MACF1: variants seen among roughly 807,000 people sequenced by gnomAD.
The protein encoded by MACF1 is microtubule-actin cross-linking factor 1.
In MACF1, 193 loss-of-function variants were observed where a neutral mutation model predicts 854.8. The observed-to-expected ratio is 0.23, with a 90% confidence interval of 0.20 to 0.25. The LOEUF is 0.25. Among genes scored for constraint, MACF1 ranks in the 10% least tolerant of loss-of-function variants. The pLI is 1.00. For missense variants in MACF1, 7,722 were observed against 8,929.1 expected, an observed-to-expected ratio of 0.86 and a Z score of 5.45; for synonymous variants, 3,185 against 3,226.7, an observed-to-expected ratio of 0.99 and a Z score of 0.44.
At chr1:39,433,282 C>T (rs932189914) in intron 68 of MACF1, 127 bp downstream of exon 68, 1 of 563,044 alleles carries the variant, frequency 1.8e-6, no homozygotes, top group Non-Finnish European at 3.2e-6. Flanking sequence ...TTATTAAAGT[C>T]CAGCTTGATG....
At chr1:39,359,982 G>A (rs1311139581) in intron 47 of MACF1, among the ~76,000 whole-genome samples, 3 of 38,798 alleles carry the variant, frequency 7.7e-5, no homozygotes, top group African/African-American at 1.2e-4. Context: ...GCAAGACTCC[G>A]TCTCAAAAAA....
Position 39,281,295 on chromosome 1 carries a change from C to T in MACF1, c.529-913C>T, listed in dbSNP as rs554163662. ...ATTAGTTTGCTGTATTTCTCACATACGTACAGTATTTGCACCTGTATTGCA... is the reference window on the plus strand; with the variant it reads ...ATTAGTTTGCTGTATTTCTCACATATGTACAGTATTTGCACCTGTATTGCA... On this transcript the variant is annotated intron_variant, in intron 6 of 100. Coordinates refer to ENST00000564288, the MANE Select transcript of MACF1 (RefSeq NM_001394062.1). 2.6e-5 allele frequency among the ~76,000 whole-genome samples: 4 copies of T among 152,222 alleles called. No homozygotes were observed. In the South Asian group the frequency reaches 6.2e-4, roughly 24 times the overall value.
At chr1:39,476,701 T>C (rs1437198124) in intron 97 of MACF1, among the ~76,000 whole-genome samples, 1 of 152,168 alleles carries the variant, frequency 6.6e-6, no homozygotes, top group East Asian at 1.9e-4. Context: ...ATTGGACTGG[T>C]TAAATAAATT....
At position 39,453,712 on chromosome 1, in the gene MACF1, C is replaced by A. The variant is rs1442660015; in HGVS notation, c.20748C>A (p.Phe6916Leu). 1.9e-6 allele frequency: 3 copies of A among 1,613,898 alleles called. No homozygotes were observed. The highest frequency in any genetic ancestry group is 1.7e-6 in the Non-Finnish European group (2 of 1,179,858). ...LQSLIDTHKE[F>L]MKKVEEKRVD... The stretch of plus-strand genomic sequence containing the variant: ...TTCAAATCTTTTTTGTTTAGGAATT[C>A]ATGAAGAAAGTAGAAGAAAAGCGAG... Residue 6916 changes from phenylalanine to leucine, a missense_variant, in exon 88 of 101, where the codon TTC (phenylalanine) becomes TTA (leucine). By Grantham distance (22) the Phe-to-Leu change is conservative (BLOSUM62 0). Around this residue, in one of 15 missense-constraint regions of MACF1, gnomAD observed 729 missense variants for 900.5 expected, o/e 0.81. Coordinates refer to ENST00000564288, the MANE Select transcript of MACF1 (RefSeq NM_001394062.1).
At chr1:39,412,074 G>A in intron 58 of MACF1, 1 of 1,613,996 alleles carries the variant, frequency 6.2e-7, no homozygotes, top group Admixed American at 1.7e-5. Flanking sequence ...CAGGAGGACT[G>A]CTGAACTCTG....
At chr1:39,309,512 CT>C in intron 23 of MACF1, 57 bp from the exon 24 acceptor site, 1 of 1,600,914 alleles carries the variant, frequency 6.2e-7, no homozygotes, top group African/African-American at 1.3e-5. Context: ...CTTAGAAGGT[CT>C]CTAATGTGGA....
intron 95 of MACF1, among the ~76,000 whole-genome samples, chr1:39,467,367 AAAAAAG>A (rs1001673684): frequency 8.5e-5 from 13 of 152,308 alleles, no homozygotes; most frequent in South Asian, 2.1e-4. Context: ...TCCATCTCAA[AAAAAAG>A]AAAAAGAAAA....
intron 84 of MACF1, among the ~76,000 whole-genome samples, chr1:39,450,610 CTTTT>C (rs11398407): frequency 8.7e-6 from 1 of 115,252 alleles, no homozygotes; most frequent in Non-Finnish European, 1.7e-5. Context: ...TACTCTATTT[CTTTT>C]TTTTTTTTTT....
intron 49 of MACF1, among the ~76,000 whole-genome samples, chr1:39,367,485 CA>C (rs1200856185): frequency 6.6e-6 from 1 of 152,092 alleles, no homozygotes; most frequent in Non-Finnish European, 1.5e-5. Flanking sequence ...AGGCGTGAGC[CA>C]CTGGGCCTGG....
intron 38 of MACF1, among the ~76,000 whole-genome samples, chr1:39,337,951 A>G (rs1306030074): frequency 3.3e-5 from 5 of 152,054 alleles, no homozygotes; most frequent in African/African-American, 7.2e-5. Flanking sequence ...TTGTATATTT[A>G]GTAGAGACGG....
chr1:39,366,389 A>G (rs1024379930), intron 49 of MACF1, among the ~76,000 whole-genome samples: 2 of 149,202 alleles, frequency 1.3e-5, no homozygotes, highest in Non-Finnish European at 3.0e-5. Flanking sequence ...GCTGGAGTGC[A>G]GTGGCATGAT....
chr1:39,366,913 G>A (rs557940504), intron 49 of MACF1, among the ~76,000 whole-genome samples: 2 of 146,026 alleles, frequency 1.4e-5, no homozygotes, highest in Middle Eastern at 3.7e-3. Flanking sequence ...CAAAGTGCTA[G>A]GATTACAGGA....
At chr1:39,382,195 G>A (rs1332012706) in intron 56 of MACF1, 43 bp downstream of exon 56, 1 of 1,559,308 alleles carries the variant, frequency 6.4e-7, no homozygotes, top group Non-Finnish European at 8.8e-7. Context: ...ACATGAAACT[G>A]GGTTTGAATG....
upstream of MACF1, among the ~76,000 whole-genome samples, chr1:39,201,325 CT>C (rs1644387633): frequency 6.6e-6 from 1 of 152,096 alleles, no homozygotes; most frequent in Non-Finnish European, 1.5e-5. Flanking sequence ...CCACTCTTAT[CT>C]CTCAGTAGTA....
intron 38 of MACF1, among the ~76,000 whole-genome samples, chr1:39,340,091 G>A (rs1217769765): frequency 3.3e-5 from 5 of 152,236 alleles, no homozygotes; most frequent in East Asian, 3.9e-4. Flanking sequence ...TCATCCGTTC[G>A]GTTTATTTTG....
intron 97 of MACF1, among the ~76,000 whole-genome samples, chr1:39,470,570 C>G (rs1029864733): frequency 5.9e-5 from 9 of 152,172 alleles, no homozygotes; most frequent in African/African-American, 2.2e-4. Context: ...TGCTTGAGCC[C>G]AGGAGTTCAA....
At chr1:39,429,626 A>G (rs983123613) in intron 64 of MACF1, among the ~76,000 whole-genome samples, 16 of 152,304 alleles carry the variant, frequency 1.1e-4, no homozygotes, top group African/African-American at 3.9e-4. Flanking sequence ...TCAGATTTTA[A>G]TAATTCAGAA....
At chr1:39,358,090 G>A (rs1647747236) in intron 45 of MACF1, among the ~76,000 whole-genome samples, 197 bp downstream of exon 45, 1 of 152,206 alleles carries the variant, frequency 6.6e-6, no homozygotes, top group Non-Finnish European at 1.5e-5. Context: ...AGGCCTGATA[G>A]CTAGCTAATA....
chr1:39,157,057 C>T (rs866462622), intron 2 of MACF1, among the ~76,000 whole-genome samples: 2 of 151,008 alleles, frequency 1.3e-5, no homozygotes, highest in Non-Finnish European at 2.9e-5. Context: ...GTAGCCTCAA[C>T]TTCCTGGGCT....
Sources: allele counts gnomAD v4.1 joint callset (sites outside exome capture counted in the v4.1 genomes callset), GRCh38; gene constraint gnomAD v4.1.1; regional missense constraint gnomAD v4.1.1; transcripts MANE v1.5; gene names NCBI Gene and HGNC (gene_info 2026-07-23, HGNC 2026-07-21).